The following BTG4 variants were observed in gnomAD, a reference collection of about 807,000 sequenced individuals.
BTG4 encodes the protein protein BTG4.
A neutral mutation model predicts 19.3 loss-of-function variants in BTG4; 10 were observed. That is an observed-to-expected ratio of 0.52 (90% CI 0.32 to 0.88). The LOEUF is 0.88. Among genes scored for constraint, BTG4 ranks in the 40% least tolerant of loss-of-function variants. The pLI, the probability that BTG4 is intolerant of heterozygous loss-of-function variation, is 0.04. For synonymous variants in BTG4, 91 were observed against 95.7 expected, an observed-to-expected ratio of 0.95 and a Z score of 0.29; for missense variants, 238 against 281.9, an observed-to-expected ratio of 0.84 and a Z score of 1.11.
the BTG4 span, chr11:111,450,606 T>G: frequency 2.6e-5 from 4 of 152,260 alleles, no homozygotes; most frequent in Non-Finnish European, 1.5e-5. Context: ...GAGAACTGCA[T>G]GCAAATTCTG....
At chr11:111,506,439 G>A (rs986796827) in intron 1 of BTG4, among the ~76,000 whole-genome samples, 1 of 152,120 alleles carries the variant, frequency 6.6e-6, no homozygotes. Context: ...AATGGTACAT[G>A]TGGAAATGAA....
chr11:111,467,253 C>A (rs937273758), downstream of BTG4, among the ~76,000 whole-genome samples: 3 of 152,152 alleles, frequency 2.0e-5, no homozygotes, highest in Non-Finnish European at 4.4e-5. Flanking sequence ...TAAACTTACC[C>A]AAGATCACAC....
the BTG4 span, chr11:111,452,320 G>A: frequency 4.6e-5 from 7 of 152,394 alleles, no homozygotes; most frequent in South Asian, 6.2e-4. Context: ...CTATTTGGTC[G>A]GTGTTGGCCG....
the BTG4 span, among the ~76,000 whole-genome samples, chr11:111,413,530 CT>C: frequency 6.6e-6 from 1 of 152,218 alleles, no homozygotes; most frequent in East Asian, 1.9e-4. Context: ...TAAAGATATC[CT>C]TTTTGTACTC....
At chr11:111,428,112 G>A in the BTG4 span, among the ~76,000 whole-genome samples, 1 of 152,184 alleles carries the variant, frequency 6.6e-6, no homozygotes, top group South Asian at 2.1e-4. Flanking sequence ...GGTCCAAAAA[G>A]TGCATAGGTA....
chr11:111,442,498 CA>C, the BTG4 span, among the ~76,000 whole-genome samples: 2 of 117,676 alleles, frequency 1.7e-5, no homozygotes, highest in African/African-American at 3.3e-5. Flanking sequence ...AAGATTGTTT[CA>C]AAAAAAATGT....
the BTG4 span, among the ~76,000 whole-genome samples, chr11:111,402,858 T>TTAA: frequency 1.3e-3 from 200 of 151,120 alleles, 1 homozygote; most frequent in Middle Eastern, 3.4e-3. Context: ...CAAGACCAAA[T>TTAA]TAATAATAAT....
At chr11:111,509,373 CTA>C (rs969576759) in intron 1 of BTG4, among the ~76,000 whole-genome samples, 64 of 152,104 alleles carry the variant, frequency 4.2e-4, no homozygotes, top group African/African-American at 1.4e-3. Flanking sequence ...TTTATATTTC[CTA>C]TGAGTAAATA....
At chr11:111,513,559 G>C, upstream of BTG4, 1 of 493,966 alleles carries the variant, frequency 2.0e-6, no homozygotes, top group African/African-American at 1.9e-5. Context: ...ATCAATGTGC[G>C]TGGGGAAGAG....
the BTG4 span, among the ~76,000 whole-genome samples, chr11:111,411,176 C>T: frequency 2.0e-5 from 3 of 152,236 alleles, no homozygotes; most frequent in African/African-American, 4.8e-5. Context: ...CCCACTTGGG[C>T]GGAGTCTCAA....
the BTG4 span, chr11:111,417,758 TTCG>T: frequency 6.6e-6 from 1 of 152,276 alleles, no homozygotes; most frequent in Non-Finnish European, 1.5e-5. Flanking sequence ...GCCACTCTGC[TTCG>T]GCATTGAAGC....
Position 111,495,045 on chromosome 11 carries a change from A to T in BTG4, c.*90T>A. 1 of 1,377,458 alleles carries T rather than the reference A, an allele frequency of 7.3e-7. No homozygotes were observed. Among genetic ancestry groups the T allele is most frequent in the Non-Finnish European group, 9.4e-7 (1 of 1,067,586 alleles). 85.3% of individuals were successfully genotyped at this position (1,377,458 alleles called of 1,614,324 possible). A position where few individuals can be genotyped will look rare whatever the true frequency, so the allele number is the denominator to read the frequency against. On this transcript the variant is annotated 3_prime_UTR_variant, in exon 5 of 5. Coordinates refer to ENST00000692032, the MANE Select transcript of BTG4 (RefSeq NM_001367975.1). ...CCCTAATATGGTCATTTTTTGTTTCATGGGCCTCTCAACCTTAAATTCATT... is the reference window on the plus strand; with the variant it reads ...CCCTAATATGGTCATTTTTTGTTTCTTGGGCCTCTCAACCTTAAATTCATT...
downstream of BTG4, among the ~76,000 whole-genome samples, chr11:111,465,699 AAAG>A (rs1565436976): frequency 6.6e-6 from 1 of 152,188 alleles, no homozygotes; most frequent in Non-Finnish European, 1.5e-5. Context: ...GGCAGTGCCA[AAAG>A]AAGATGCAGG....
chr11:111,442,598 AAAC>A, the BTG4 span, among the ~76,000 whole-genome samples: 502 of 151,448 alleles, frequency 3.3e-3, 1 homozygote, highest in African/African-American at 9.5e-3. Flanking sequence ...AGTACTCGAA[AAAC>A]AACAACAACA....
the BTG4 span, among the ~76,000 whole-genome samples, chr11:111,419,394 T>A: frequency 6.6e-6 from 1 of 152,212 alleles, no homozygotes; most frequent in Non-Finnish European, 1.5e-5. Context: ...TAACCGAACT[T>A]AACTCTATTT....
chr11:111,404,909 T>C, the BTG4 span, among the ~76,000 whole-genome samples: 1 of 152,234 alleles, frequency 6.6e-6, no homozygotes, highest in Admixed American at 6.5e-5. Context: ...TCTTATTCTG[T>C]GGTTTCATCT....
the BTG4 span, among the ~76,000 whole-genome samples, chr11:111,403,053 T>G: frequency 1.3e-4 from 20 of 152,168 alleles, no homozygotes; most frequent in African/African-American, 4.3e-4. Context: ...CAAATCAATC[T>G]CACTCCATAG....
intron 1 of BTG4, among the ~76,000 whole-genome samples, chr11:111,500,308 TAA>T (rs1865990025): frequency 6.6e-6 from 1 of 152,212 alleles, no homozygotes; most frequent in African/African-American, 2.4e-5. Flanking sequence ...TGACATACGT[TAA>T]GTCTTTAACG....
intron 1 of BTG4, among the ~76,000 whole-genome samples, chr11:111,510,059 G>C (rs922504568): frequency 6.6e-6 from 1 of 151,540 alleles, no homozygotes; most frequent in Non-Finnish European, 1.5e-5. Flanking sequence ...CTACAGGCGC[G>C]CACCACCACG....
Sources: gnomAD v4.1 joint callset for allele counts (sites outside exome capture counted in the v4.1 genomes callset) on GRCh38, gnomAD v4.1.1 for gene constraint, MANE v1.5 for transcripts, NCBI Gene and HGNC (gene_info 2026-07-23, HGNC 2026-07-21) for gene names.